The following SUGCT variants were observed in gnomAD, a reference collection of about 807,000 sequenced individuals.
SUGCT encodes succinyl-CoA:glutarate CoA-transferase.
Under a neutral mutation model 55.0 loss-of-function variants are expected in SUGCT, and 41 were observed. The ratio of observed to expected loss-of-function variants is 0.74; its 90% confidence interval spans 0.58 to 0.97. The LOEUF is 0.97. SUGCT is among the 50% of genes least tolerant of loss of function. SUGCT has a pLI of 0.00. For synonymous variants in SUGCT, 187 were observed against 200.4 expected, an observed-to-expected ratio of 0.93 and a Z score of 0.56; for missense variants, 568 against 547.8, an observed-to-expected ratio of 1.04 and a Z score of -0.37.
intron 8 of SUGCT, among the ~76,000 whole-genome samples, chr7:40,281,596 A>G (rs1238953778): frequency 6.6e-6 from 1 of 152,222 alleles, no homozygotes; most frequent in Non-Finnish European, 1.5e-5. Context: ...TGAGACAATC[A>G]TATAATTTTT....
the SUGCT span, among the ~76,000 whole-genome samples, chr7:41,022,574 A>G: frequency 1.3e-5 from 2 of 152,190 alleles, no homozygotes; most frequent in Non-Finnish European, 1.5e-5. Context: ...ACTTAAAAAT[A>G]TTAAAACCAA....
At chr7:40,691,661 T>C (rs1031471619) in intron 12 of SUGCT, among the ~76,000 whole-genome samples, 1 of 152,312 alleles carries the variant, frequency 6.6e-6, no homozygotes, top group East Asian at 1.9e-4. Context: ...CTAGAAACTT[T>C]TTTGACATCA....
At chr7:40,153,777 C>G (rs963400156) in intron 1 of SUGCT, 2 of 415,410 alleles carry the variant, frequency 4.8e-6, no homozygotes, top group African/African-American at 4.1e-5. Context: ...TTAAAGAAGG[C>G]TAACCATCCT....
At chr7:40,406,399 TG>T (rs1786372842) in intron 9 of SUGCT, among the ~76,000 whole-genome samples, 1 of 152,176 alleles carries the variant, frequency 6.6e-6, no homozygotes, top group Non-Finnish European at 1.5e-5. Context: ...AAAGGCAGTG[TG>T]GTCCCCAAGC....
intron 12 of SUGCT, among the ~76,000 whole-genome samples, chr7:40,670,827 A>T (rs1801904042): frequency 6.6e-6 from 1 of 152,290 alleles, no homozygotes; most frequent in Middle Eastern, 3.4e-3. Flanking sequence ...ATTGCAAGGG[A>T]ACATTTTACC....
At chr7:40,363,795 T>C (rs1297273920) in intron 9 of SUGCT, among the ~76,000 whole-genome samples, 3 of 152,132 alleles carry the variant, frequency 2.0e-5, no homozygotes, top group Non-Finnish European at 1.5e-5. Flanking sequence ...TTCTGTTGAT[T>C]TGGGGTGGAG....
intron 9 of SUGCT, among the ~76,000 whole-genome samples, chr7:40,406,639 A>G (rs1786386722): frequency 6.6e-6 from 1 of 152,196 alleles, no homozygotes; most frequent in Non-Finnish European, 1.5e-5. Context: ...TATTTAGGTT[A>G]ACTAGAGAGT....
intron 12 of SUGCT, among the ~76,000 whole-genome samples, chr7:40,638,172 G>A (rs559706796): frequency 1.3e-5 from 2 of 152,252 alleles, no homozygotes; most frequent in South Asian, 2.1e-4. Context: ...TCAAATATCC[G>A]GCACTTGTTT....
the SUGCT span, among the ~76,000 whole-genome samples, chr7:41,010,974 A>G: frequency 6.6e-6 from 1 of 152,198 alleles, no homozygotes; most frequent in Non-Finnish European, 1.5e-5. Flanking sequence ...TAAAAAACAA[A>G]CAAACAAACA....
intron 12 of SUGCT, among the ~76,000 whole-genome samples, chr7:40,716,455 TTTAACAAATTTAA>T (rs1236857503): frequency 2.0e-5 from 3 of 152,216 alleles, no homozygotes; most frequent in Non-Finnish European, 4.4e-5. Context: ...TCTACTTCTG[TTTAACAAATTTAA>T]TTAATGAATC....
chr7:40,326,721 A>G (rs905272849), intron 9 of SUGCT, among the ~76,000 whole-genome samples: 2 of 152,212 alleles, frequency 1.3e-5, no homozygotes, highest in Non-Finnish European at 2.9e-5. Context: ...CTTCTAGTTT[A>G]TTGAATGGTT....
At chr7:40,344,358 C>A (rs1307864636) in intron 9 of SUGCT, among the ~76,000 whole-genome samples, 1 of 152,040 alleles carries the variant, frequency 6.6e-6, no homozygotes, top group African/African-American at 2.4e-5. Flanking sequence ...TTATTTATTT[C>A]ATTTTCGATA....
chr7:40,897,882 C>G, the SUGCT span, among the ~76,000 whole-genome samples: 1 of 152,076 alleles, frequency 6.6e-6, no homozygotes, highest in Non-Finnish European at 1.5e-5. Flanking sequence ...CCAATCAGCT[C>G]TCTGTAAAAT....
chr7:40,893,562 T>C, the SUGCT span, among the ~76,000 whole-genome samples: 1 of 152,134 alleles, frequency 6.6e-6, no homozygotes, highest in Non-Finnish European at 1.5e-5. Context: ...AATTAACCAA[T>C]ATATGGATAT....
intron 12 of SUGCT, among the ~76,000 whole-genome samples, chr7:40,604,885 G>C (rs1798450638): frequency 6.6e-6 from 1 of 152,320 alleles, no homozygotes; most frequent in South Asian, 2.1e-4. Flanking sequence ...GAACAGAACA[G>C]AATGCCAAGG....
chr7:40,979,402 C>T, the SUGCT span: 1 of 152,210 alleles, frequency 6.6e-6, no homozygotes, highest in Admixed American at 6.5e-5. Context: ...GACGCATTTG[C>T]ATTTTTCTCC....
intron 6 of SUGCT, among the ~76,000 whole-genome samples, chr7:40,229,950 C>G (rs2150855178): frequency 6.6e-6 from 1 of 152,044 alleles, no homozygotes; most frequent in East Asian, 1.9e-4. Flanking sequence ...ACATTACTTA[C>G]TATGAAACAT....
the SUGCT span, among the ~76,000 whole-genome samples, chr7:40,937,429 G>A: frequency 6.6e-6 from 1 of 152,172 alleles, no homozygotes; most frequent in African/African-American, 2.4e-5. Flanking sequence ...CCTTGGCCTC[G>A]CAAAGGCATG....
At chr7:40,472,892 A>G (rs984286602) in intron 11 of SUGCT, among the ~76,000 whole-genome samples, 6 of 152,136 alleles carry the variant, frequency 3.9e-5, no homozygotes, top group East Asian at 1.9e-4. Context: ...AGTATTTTCT[A>G]GCTTTATGTT....
Sources: allele counts gnomAD v4.1 joint callset (sites outside exome capture counted in the v4.1 genomes callset), GRCh38; gene constraint gnomAD v4.1.1; transcripts MANE v1.5; gene names NCBI Gene and HGNC (gene_info 2026-07-23, HGNC 2026-07-21).